Variants in MUC5B observed in about 807,000 individuals in gnomAD.
MUC5B encodes mucin-5B.
Under a neutral mutation model 376.9 loss-of-function variants are expected in MUC5B, and 116 were observed. The observed-to-expected ratio is 0.31, with a 90% CI of 0.26 to 0.36. The LOEUF is 0.36. Among genes scored for constraint, MUC5B ranks in the 10% least tolerant of loss-of-function variants. MUC5B has a pLI of 1.00. For synonymous variants in MUC5B, 3,517 were observed against 3,390.9 expected, an observed-to-expected ratio of 1.04 and a Z score of -1.29; for missense variants, 7,165 against 7,769.9, an observed-to-expected ratio of 0.92 and a Z score of 2.93.
At chr11:1,225,847 C>T in intron 2 of MUC5B, 110 bp downstream of exon 2, 1 of 1,063,966 alleles carries the variant, frequency 9.4e-7, no homozygotes, top group East Asian at 2.6e-5. Flanking sequence ...TGACAGAGAC[C>T]CTCCCTGGGT....
At chr11:1,231,965 G>A in intron 14 of MUC5B, 31 bp from the exon 15 acceptor site, 1 of 1,611,794 alleles carries the variant, frequency 6.2e-7, no homozygotes, top group Non-Finnish European at 8.5e-7. Flanking sequence ...CCCAACAGTG[G>A]CCGCTGACAT....
In MUC5B at chr11:1,230,974, C is replaced by T. The variant is rs1862015196; in HGVS notation, c.1509C>T (p.Asn503=). The change falls in exon 13 of 49, where the codon AAC becomes AAT. Residue 503 remains asparagine, a synonymous_variant. Coordinates refer to ENST00000529681, the MANE Select transcript of MUC5B (RefSeq NM_002458.3). ...RVQADGGVFL[N]SIYTQLPLSA... ...AAGCGGACGGCGGCGTGTTCCTCAACTCCATCTACACGCAGCTGCCCCTGT... is the reference window on the plus strand; with the variant it reads ...AAGCGGACGGCGGCGTGTTCCTCAATTCCATCTACACGCAGCTGCCCCTGT... 6.3e-7 allele frequency: 1 copy of T among 1,599,834 alleles called. No individual in the cohort carries two copies. The highest frequency in any genetic ancestry group is 8.5e-7 in the Non-Finnish European group (1 of 1,174,544).
At position 1,230,617 on chromosome 11, in the gene MUC5B, G is replaced by A. The variant is rs1204833487; in HGVS notation, c.1470+17G>A. The stretch of plus-strand genomic sequence containing the variant: ...GGGGACACGGTGAGGACCTGGCTGG[G>A]GCCCTGGGCTGGGACAGGAAGAGGC... On this transcript the variant is annotated intron_variant, in intron 12 of 48. Coordinates refer to ENST00000529681, the MANE Select transcript of MUC5B (RefSeq NM_002458.3). The A allele has an allele frequency of 1.3e-6, 2 of 1,593,594 alleles. No homozygotes were observed. Among genetic ancestry groups the A allele is most frequent in the African/African-American group, 2.7e-5 (2 of 74,630 alleles).
Position 1,260,249 on chromosome 11 carries a change from C to T in MUC5B, c.16924-102C>T, listed in dbSNP as rs111271128. The stretch of plus-strand genomic sequence containing the variant: ...CTGCCTGGGAGGCCCCGCCCCTGCC[C>T]GGGAGGCCATGCCCCTGCCCGGGTG... On this transcript the variant is annotated intron_variant, in intron 46 of 48. Transcript: ENST00000529681. The T allele has an allele frequency of 7.1e-4, 988 of 1,388,370 alleles. 13 individuals are homozygous for T. The African/African-American group carries it at 0.012, about 17-fold the overall frequency. The allele number at this position is 1,388,370 out of a possible 1,614,324, so 86.0% of individuals were successfully genotyped here.
Position 1,241,240 on chromosome 11 carries a change from G to A in MUC5B, c.4360G>A (p.Val1454Met). The change falls in exon 31 of 49, where the codon GTG (valine) becomes ATG (methionine). Residue 1454 changes from valine (V) to methionine (M), a missense_variant. By Grantham distance (21) the Val-to-Met change is conservative. Transcript: ENST00000529681. ...PSLSASTEPA[V>M]PTPTQTTATE... ...CCTCAGTGCCAGCACGGAGCCTGCT[G>A]TGCCTACCCCAACCCAGACCACAGC... 1 of 1,592,482 alleles carries A rather than the reference G, an allele frequency of 6.3e-7. No homozygotes were observed. The highest frequency in any genetic ancestry group is 8.5e-7 in the Non-Finnish European group (1 of 1,169,786).
intron 38 of MUC5B, 195 bp from the exon 39 acceptor site, chr11:1,256,472 ATCCC>A: frequency 2.2e-5 from 1 of 45,888 alleles, no homozygotes; most frequent in Non-Finnish European, 3.6e-5. Context: ...AGCCCCACCC[ATCCC>A]CGCCCATACT....
chr11:1,241,947 C>T lies in MUC5B; in HGVS notation c.5067C>T (p.Ala1689=). ...CAGAACCCACTGTCCCAGGGGTGGC[C>T]ACATCCACCCTTCCAACACGCTCAG... ...GSTEPTVPGV[A]TSTLPTRSAL... Residue 1689 remains alanine (A), a synonymous_variant, in exon 31 of 49, where the codon GCC becomes GCT. Transcript: ENST00000529681. 1 of 1,606,398 alleles carries T rather than the reference C, an allele frequency of 6.2e-7. No individual in the cohort carries two copies.
rs555115336 is a variant in MUC5B at position 1,260,876 on chromosome 11, T to C, written c.17069+148T>C. 4.8e-4 allele frequency: 307 copies of C among 646,248 alleles called. 1 individual carries two copies. The highest frequency in any genetic ancestry group is 4.7e-3 in the African/African-American group (259 of 55,384). The allele number at this position is 646,248 out of a possible 1,614,324, so 40.0% of individuals were successfully genotyped here. A position where few individuals can be genotyped will look rare whatever the true frequency, so the allele number is the denominator to read the frequency against. ...AGGGGCTCCCCAGCAGGGCTCCCCC[T>C]CTCCACGTCCATTGGCAGAAAGCCT... On this transcript the variant is annotated intron_variant, in intron 48 of 48. Transcript: ENST00000529681.
chr11:1,227,420 G>T, intron 6 of MUC5B, 22 bp downstream of exon 6: 1 of 1,560,826 alleles, frequency 6.4e-7, no homozygotes, highest in Non-Finnish European at 8.8e-7. Flanking sequence ...CTGGGTGAGG[G>T]GGCGGTGACC....
intron 23 of MUC5B, 55 bp downstream of exon 23, chr11:1,235,468 C>G: frequency 6.8e-7 from 1 of 1,472,626 alleles, no homozygotes; most frequent in Non-Finnish European, 9.4e-7. Context: ...CGAGCCGGCC[C>G]CCAGGGAAGC....
chr11:1,255,019 G>C, intron 35 of MUC5B, 22 bp from the exon 36 acceptor site: 1 of 1,565,824 alleles, frequency 6.4e-7, no homozygotes, highest in Non-Finnish European at 8.7e-7. Flanking sequence ...TTCCAGCCCC[G>C]CGGTGACGCC....
chr11:1,248,660 C>A lies in MUC5B; in HGVS notation c.11780C>A (p.Ala3927Asp). 6.2e-7 allele frequency: 1 copy of A among 1,604,250 alleles called. No homozygotes were observed. The highest frequency in any genetic ancestry group is 8.5e-7 in the Non-Finnish European group (1 of 1,175,930). The change falls in exon 31 of 49, where the codon GCC (alanine) becomes GAC (aspartate). Residue 3927 changes from alanine to aspartate, a missense_variant. Coordinates refer to ENST00000529681, the MANE Select transcript of MUC5B (RefSeq NM_002458.3). ...CTGACCACCACCACCACAACTGTGG[C>A]CACTGGTTCTATGGCAACACCCTCC... ...TVLTTTTTTV[A>D]TGSMATPSSS...
chr11:1,252,457 T>A lies in MUC5B; in HGVS notation c.14978T>A (p.Val4993Glu). 1 of 1,609,392 alleles carries A rather than the reference T, an allele frequency of 6.2e-7. No individual in the cohort carries two copies. The highest frequency in any genetic ancestry group is 1.1e-5 in the South Asian group (1 of 90,540). Residue 4993 changes from valine to glutamate, a missense_variant, in exon 32 of 49, where the codon GTG becomes GAG. Val to Glu is a moderately radical substitution (Grantham distance 121). Coordinates refer to ENST00000529681, the MANE Select transcript of MUC5B (RefSeq NM_002458.3). ...QGACPTSPPP[V>E]SSAPLSSPSP... ...GCCTGTCCCACCTCCCCACCGCCAGTGTCCTCCGCCCCGCTGTCCTCGCCC... is the reference window on the plus strand; with the variant it reads ...GCCTGTCCCACCTCCCCACCGCCAGAGTCCTCCGCCCCGCTGTCCTCGCCC...
rs1398205507 is a variant in MUC5B at position 1,223,208 on chromosome 11, C to T, written c.70+15C>T. 33 of 710,110 alleles carry T rather than the reference C, an allele frequency of 4.6e-5. No homozygotes were observed. The highest frequency in any genetic ancestry group is 8.3e-5 in the Non-Finnish European group (32 of 384,342). The allele number at this position is 710,110 out of a possible 1,614,324, so 44.0% of individuals were successfully genotyped here. A position where few individuals can be genotyped will look rare whatever the true frequency, so the allele number is the denominator to read the frequency against. On this transcript the variant is annotated intron_variant, in intron 1 of 48. Coordinates refer to ENST00000529681, the MANE Select transcript of MUC5B (RefSeq NM_002458.3). Reference sequence around the variant, plus strand: ...GCCGCAGGCAGGTAAGAGCCCCCCACTCCGCCCCCTCTCGATGCTGTCTTC... The same window carrying T: ...GCCGCAGGCAGGTAAGAGCCCCCCATTCCGCCCCCTCTCGATGCTGTCTTC...
At chr11:1,252,739 G>T in intron 32 of MUC5B, 70 bp from the exon 33 acceptor site, 1 of 1,515,844 alleles carries the variant, frequency 6.6e-7, no homozygotes, top group Non-Finnish European at 8.9e-7. Context: ...TGGGCCATGA[G>T]GGGTGGGATG....
In MUC5B at chr11:1,242,126, T is replaced by A. The variant is rs777363420; in HGVS notation, c.5246T>A (p.Leu1749His). 6.2e-7 allele frequency: 1 copy of A among 1,613,084 alleles called. No individual in the cohort carries two copies. The highest frequency in any genetic ancestry group is 1.7e-5 in the Admixed American group (1 of 59,992). Reference protein sequence around the residue: ...EPLTTSLAPTLTSELSTSQAE... With the variant: ...EPLTTSLAPTHTSELSTSQAE... ...CTGACCACGAGCCTGGCGCCAACAC[T>A]CACGAGCGAGCTGTCCACCTCTCAG... Residue 1749 changes from leucine to histidine, a missense_variant, in exon 31 of 49, where the codon CTC becomes CAC. Physicochemically the swap from Leu to His is moderately conservative, Grantham distance 99 (BLOSUM62 -3). Coordinates refer to ENST00000529681, the MANE Select transcript of MUC5B (RefSeq NM_002458.3).
At position 1,232,443 on chromosome 11, in the gene MUC5B, C is replaced by T. The variant is rs139672137; in HGVS notation, c.1844-7C>T. On this transcript the variant is annotated splice_polypyrimidine_tract_variant and splice_region_variant and intron_variant, in intron 15 of 48. Transcript: ENST00000529681. ...GGCGTGGAGATGAGGTCAGGTCTTC[C>T]CCACAGAGAACTACGCCCGGCACTG... 682 of 1,600,304 alleles carry T rather than the reference C, an allele frequency of 4.3e-4. 7 individuals carry two copies. The African/African-American group carries it at 8.2e-3, about 19-fold the overall frequency.
At position 1,246,990 on chromosome 11, in the gene MUC5B, C is replaced by T. The variant is rs768596697; in HGVS notation, c.10110C>T (p.Ala3370=). ...TGACCACCACCACCACAACTGTGGC[C>T]ACTGGTTCTATGGCAACACCCTCCT... ...TVLTTTTTTV[A]TGSMATPSSS... The change falls in exon 31 of 49, where the codon GCC becomes GCT. Residue 3370 remains alanine, a synonymous_variant. Transcript: ENST00000529681. 3.2e-6 allele frequency: 5 copies of T among 1,567,786 alleles called. No homozygotes were observed. Among genetic ancestry groups the T allele is most frequent in the Non-Finnish European group, 4.3e-6 (5 of 1,156,774 alleles).
intron 1 of MUC5B, among the ~76,000 whole-genome samples, chr11:1,225,047 G>A (rs1002655549): frequency 4.6e-5 from 7 of 152,332 alleles, no homozygotes; most frequent in Non-Finnish European, 7.4e-5. Flanking sequence ...GGCCTTGCCC[G>A]GAGGCGGTGG....
Sources: allele counts gnomAD v4.1 joint callset (sites outside exome capture counted in the v4.1 genomes callset), GRCh38; gene constraint gnomAD v4.1.1; transcripts MANE v1.5; gene names NCBI Gene and HGNC (gene_info 2026-07-23, HGNC 2026-07-21).